Variants in GTF2E2 observed in about 807,000 individuals in gnomAD.
GTF2E2 encodes transcription initiation factor IIE subunit beta.
In GTF2E2, 21 loss-of-function variants were observed where a neutral mutation model predicts 40.5. The ratio of observed to expected loss-of-function variants is 0.52; its 90% confidence interval spans 0.37 to 0.75. The LOEUF (loss-of-function observed/expected upper bound fraction) is 0.75. GTF2E2 is among the 30% of genes least tolerant of loss of function. The pLI is 0.00. For missense variants in GTF2E2, 298 were observed against 338.4 expected (o/e 0.88, Z 0.94); for synonymous variants, 117 against 121.6 (o/e 0.96, Z 0.25).
rs1221291165 is a variant in GTF2E2, at chr8:30,635,093, G to T, written c.197C>A (p.Ala66Asp). ...CTTATATCCAGAGCTTCCTGACAAA[G>T]CTTTCAAGTTAAATGATCCATTGCT... ...DHSNGSFNLKALSGSSGYKFG... is the reference protein window; with the variant it reads ...DHSNGSFNLKDLSGSSGYKFG... Residue 66 changes from alanine (A) to aspartate (D), a missense_variant, in exon 3 of 8, where the codon GCT becomes GAT. Transcript: ENST00000355904. The T allele has an allele frequency of 1.2e-6, 2 of 1,607,118 alleles. No individual in the cohort carries two copies. Among genetic ancestry groups the T allele is most frequent in the East Asian group, 4.5e-5 (2 of 44,712 alleles).
chr8:30,645,301 T>A (rs1334672244), intron 2 of GTF2E2: 1 of 1,528,926 alleles, frequency 6.5e-7, no homozygotes, highest in African/African-American at 1.4e-5. Flanking sequence ...GCAAGTGGAA[T>A]CTCTAAGAAT....
chr8:30,652,431 C>T (rs749189774), intron 2 of GTF2E2, among the ~76,000 whole-genome samples: 11 of 150,888 alleles, frequency 7.3e-5, no homozygotes, highest in Non-Finnish European at 1.6e-4. Context: ...GACATTTCAC[C>T]AAGGAATACA....
At chr8:30,582,890 A>G (rs932594720) in intron 6 of GTF2E2, among the ~76,000 whole-genome samples, 1 of 152,210 alleles carries the variant, frequency 6.6e-6, no homozygotes, top group Admixed American at 6.5e-5. Flanking sequence ...TAATGGAGAG[A>G]TATTTTCAGA....
Position 30,624,293 on chromosome 8 carries a change from G to C in GTF2E2, c.259-9578C>G, listed in dbSNP as rs181774622. 3.9e-3 allele frequency among the ~76,000 whole-genome samples: 586 copies of C among 152,146 alleles called. 9 individuals are homozygous for C. Among genetic ancestry groups the C allele is most frequent in the African/African-American group, 0.013 (539 of 41,480 alleles). On this transcript the variant is annotated intron_variant, in intron 3 of 7. Coordinates refer to ENST00000355904, the MANE Select transcript of GTF2E2 (RefSeq NM_002095.6). The stretch of plus-strand genomic sequence containing the variant: ...AATCCTTTCCTCATTGCTTGTTTTT[G>C]TCAGGTTTGTCGAAGATCAGATAGT...
At chr8:30,653,700 T>G in intron 1 of GTF2E2, 98 bp from the exon 2 acceptor site, 1 of 768,284 alleles carries the variant, frequency 1.3e-6, no homozygotes, top group African/African-American at 1.8e-5. Flanking sequence ...CAAACAAAAT[T>G]ACCTTTTATT....
At chr8:30,596,039 GTC>G (rs1345521154) in intron 6 of GTF2E2, among the ~76,000 whole-genome samples, 1 of 152,074 alleles carries the variant, frequency 6.6e-6, no homozygotes, top group Non-Finnish European at 1.5e-5. Flanking sequence ...TCTGGAATTA[GTC>G]TCTTTCCTCT....
In GTF2E2 at chr8:30,623,503, T is replaced by C. The variant is rs1250740867; in HGVS notation, c.259-8788A>G. 3.9e-5 allele frequency among the ~76,000 whole-genome samples: 6 copies of C among 152,154 alleles called. 1 individual carries two copies. The highest frequency in any genetic ancestry group is 7.3e-5 in the African/African-American group (3 of 41,372). Reference sequence around the variant, plus strand: ...GCGTGCATGTCTCTTTACAGCAGCATGATTTATAATCCTTTCGGTATATAC... The same window carrying C: ...GCGTGCATGTCTCTTTACAGCAGCACGATTTATAATCCTTTCGGTATATAC... On this transcript the variant is annotated intron_variant, in intron 3 of 7. Coordinates refer to ENST00000355904, the MANE Select transcript of GTF2E2 (RefSeq NM_002095.6).
Position 30,607,101 on chromosome 8 carries a change from A to G in GTF2E2, c.599T>C (p.Ile200Thr). 1.3e-6 allele frequency: 2 copies of G among 1,494,304 alleles called. No individual in the cohort carries two copies. Among genetic ancestry groups the G allele is most frequent in the Non-Finnish European group, 1.8e-6 (2 of 1,083,330 alleles). 92.6% of individuals were successfully genotyped at this position (1,494,304 alleles called of 1,614,324 possible). A position where few individuals can be genotyped will look rare whatever the true frequency, so the allele number is the denominator to read the frequency against. Residue 200 changes from isoleucine to threonine, a missense_variant, in exon 6 of 8, where the codon ATA becomes ACA. Physicochemically the swap from Ile to Thr is moderately conservative, Grantham distance 89. Transcript: ENST00000355904. ...ACAGCTCTTATCATTGAAGAAAAGTATTTTCTTCTTATCGGGACGATTTAC... is the reference window on the plus strand; with the variant it reads ...ACAGCTCTTATCATTGAAGAAAAGTGTTTTCTTCTTATCGGGACGATTTAC... ...LFVNRPDKKK[I>T]LFFNDKSCQF...
chr8:30,624,433 A>C (rs1257948920), intron 3 of GTF2E2, among the ~76,000 whole-genome samples: 7 of 152,110 alleles, frequency 4.6e-5, no homozygotes, highest in Admixed American at 4.6e-4. Flanking sequence ...TATAGTTTGA[A>C]GTCAGGTAGC....
At chr8:30,597,810 A>G (rs1829056166) in intron 6 of GTF2E2, among the ~76,000 whole-genome samples, 1 of 152,220 alleles carries the variant, frequency 6.6e-6, no homozygotes, top group South Asian at 2.1e-4. Context: ...AGGCTGTTTA[A>G]TGAATGTGGC....
At chr8:30,653,055 T>C (rs1802336433) in intron 2 of GTF2E2, among the ~76,000 whole-genome samples, 1 of 152,072 alleles carries the variant, frequency 6.6e-6, no homozygotes, top group Non-Finnish European at 1.5e-5. Context: ...GGGGCAGGGA[T>C]GGGAAAAGTC....
At chr8:30,640,845 C>A (rs1801793697) in intron 2 of GTF2E2, among the ~76,000 whole-genome samples, 1 of 152,164 alleles carries the variant, frequency 6.6e-6, no homozygotes, top group Admixed American at 6.5e-5. Context: ...ACTGGGATTA[C>A]ACACACCCGC....
chr8:30,584,250 T>TA (rs1828607990), intron 6 of GTF2E2, among the ~76,000 whole-genome samples: 4 of 152,118 alleles, frequency 2.6e-5, no homozygotes, highest in African/African-American at 9.6e-5. Context: ...CTGGCGGTAC[T>TA]AAAAGATGTT....
intron 2 of GTF2E2, chr8:30,643,907 T>C (rs922851339): frequency 1.3e-5 from 2 of 151,976 alleles, no homozygotes; most frequent in African/African-American, 4.8e-5. Context: ...TTTACAAAAA[T>C]ATTTGGTACA....
intron 2 of GTF2E2, among the ~76,000 whole-genome samples, chr8:30,639,254 T>C (rs983667919): frequency 5.3e-5 from 8 of 152,210 alleles, no homozygotes; most frequent in African/African-American, 1.7e-4. Flanking sequence ...TGCATTATAC[T>C]ACACTGAACA....
At chr8:30,585,245 T>G (rs1352488895) in intron 6 of GTF2E2, 1 of 152,178 alleles carries the variant, frequency 6.6e-6, no homozygotes, top group African/African-American at 2.4e-5. Flanking sequence ...TAGTGAGGAT[T>G]AGAGGAGTTA....
intron 6 of GTF2E2, among the ~76,000 whole-genome samples, chr8:30,592,971 C>T (rs1828892273): frequency 1.3e-5 from 2 of 152,178 alleles, no homozygotes; most frequent in Non-Finnish European, 2.9e-5. Flanking sequence ...GAGGCTGAGG[C>T]AGGCGGGTCA....
intron 2 of GTF2E2, among the ~76,000 whole-genome samples, chr8:30,647,611 C>G (rs1156868624): frequency 1.3e-5 from 2 of 152,154 alleles, no homozygotes; most frequent in Non-Finnish European, 2.9e-5. Context: ...AACTGCCGGT[C>G]TGAAATAACT....
At chr8:30,633,712 G>C (rs572431053) in intron 3 of GTF2E2, among the ~76,000 whole-genome samples, 7 of 152,160 alleles carry the variant, frequency 4.6e-5, no homozygotes, top group Admixed American at 2.0e-4. Flanking sequence ...AGCCCTGAGG[G>C]TGGCATTTTT....
Sources: allele counts gnomAD v4.1 joint callset (sites outside exome capture counted in the v4.1 genomes callset), GRCh38; gene constraint gnomAD v4.1.1; transcripts MANE v1.5; gene names NCBI Gene and HGNC (gene_info 2026-07-23, HGNC 2026-07-21).